NCOA2: variants seen among roughly 807,000 people sequenced by gnomAD.
NCOA2 encodes the protein class E basic helix-loop-helix protein 75.
In NCOA2, 21 loss-of-function variants were observed where a neutral mutation model predicts 145.1. That is an observed-to-expected ratio of 0.14 (90% CI 0.10 to 0.21). The LOEUF (loss-of-function observed/expected upper bound fraction) is 0.21, where lower values mean the gene tolerates loss of function less well. NCOA2 is among the 10% of genes least tolerant of loss of function. The pLI is 1.00. For synonymous variants in NCOA2, 619 were observed against 637.5 expected (o/e 0.97, Z 0.44); for missense variants, 1,472 against 1,837.6 (o/e 0.80, Z 3.64).
intron 2 of NCOA2, among the ~76,000 whole-genome samples, chr8:70,260,324 G>A (rs1004838637): frequency 1.4e-4 from 21 of 152,172 alleles, no homozygotes; most frequent in African/African-American, 4.6e-4. Context: ...GTAGAGACAA[G>A]GTTTCACCAC....
intron 11 of NCOA2, among the ~76,000 whole-genome samples, chr8:70,153,965 G>C (rs550540394): frequency 3.5e-4 from 53 of 152,322 alleles, no homozygotes; most frequent in African/African-American, 1.3e-3. Context: ...GGTAGCAGCT[G>C]TCGAGACATC....
At chr8:70,214,389 A>C (rs909256773) in intron 3 of NCOA2, among the ~76,000 whole-genome samples, 1 of 152,246 alleles carries the variant, frequency 6.6e-6, no homozygotes, top group Non-Finnish European at 1.5e-5. Flanking sequence ...GTGGGCACCA[A>C]ATTAGTTGAC....
rs145577001 is a variant in NCOA2 at position 70,110,918 on chromosome 8, C to T, written c.*2714G>A. The T allele has an allele frequency of 2.5e-4, 56 of 221,622 alleles. No individual in the cohort carries two copies. The highest frequency in any genetic ancestry group is 1.2e-3 in the African/African-American group (52 of 44,792). The allele number at this position is 221,622 out of a possible 1,614,324, so 13.7% of individuals were successfully genotyped here. Reference sequence around the variant, plus strand: ...CACATTTAGTAATATAAGTGAAACACTGATTATTTGTTCTATTAAACAAAA... The same window carrying T: ...CACATTTAGTAATATAAGTGAAACATTGATTATTTGTTCTATTAAACAAAA... On this transcript the variant is annotated 3_prime_UTR_variant, in exon 23 of 23. Coordinates refer to ENST00000452400, the MANE Select transcript of NCOA2 (RefSeq NM_006540.4).
chr8:70,189,895 A>G (rs1816493908), intron 4 of NCOA2, among the ~76,000 whole-genome samples: 1 of 152,200 alleles, frequency 6.6e-6, no homozygotes. Context: ...ACTTGTTTGG[A>G]GAGTATAGGA....
chr8:70,427,866 G>T, the NCOA2 span, among the ~76,000 whole-genome samples: 1 of 152,082 alleles, frequency 6.6e-6, no homozygotes, highest in Non-Finnish European at 1.5e-5. Context: ...AACCAGGCAG[G>T]GTATAACTGT....
At chr8:70,435,424 C>CAAAAAAAAAAAAAAAAA in the NCOA2 span, among the ~76,000 whole-genome samples, 3 of 20,154 alleles carry the variant, frequency 1.5e-4, no homozygotes, top group African/African-American at 4.3e-4. Context: ...GACTCCGTCT[C>CAAAAAAAAAAAAAAAAA]AAAAAAAAAA....
intron 20 of NCOA2, among the ~76,000 whole-genome samples, chr8:70,124,357 TCTG>T (rs1277029773): frequency 4.0e-5 from 6 of 151,334 alleles, no homozygotes; most frequent in Non-Finnish European, 1.5e-5. Flanking sequence ...TTTCTTTCTT[TCTG>T]TTTTTTTTTT....
At chr8:70,159,242 A>ATATATATATATATATATATATATTTT in intron 10 of NCOA2, among the ~76,000 whole-genome samples, 1 of 61,076 alleles carries the variant, frequency 1.6e-5, no homozygotes, top group African/African-American at 5.4e-5. Context: ...ATATATATAT[A>ATATATATATATATATATATATATTTT]TTTTTTTTTT....
At chr8:70,229,176 A>G (rs905332740) in intron 2 of NCOA2, among the ~76,000 whole-genome samples, 3 of 152,196 alleles carry the variant, frequency 2.0e-5, no homozygotes, top group Non-Finnish European at 4.4e-5. Context: ...TTTTCTTCTG[A>G]TATTGAATTC....
intron 4 of NCOA2, among the ~76,000 whole-genome samples, chr8:70,193,809 G>A (rs1321789128): frequency 2.0e-5 from 3 of 152,218 alleles, no homozygotes; most frequent in African/African-American, 4.8e-5. Flanking sequence ...GAACCACTTC[G>A]GGCCTAAAGA....
In NCOA2 at chr8:70,321,793, CTTTTTTTT is replaced by C. The variant is rs559680322; in HGVS notation, c.-76-25001_-76-24994del. ...TGCTTTCCTAAGTTTCAGAATATACCTTTTTTTTTTTTTTTTTTTTTTTTTTTTGGTGA... is the reference window on the plus strand; with the variant it reads ...TGCTTTCCTAAGTTTCAGAATATACCTTTTTTTTTTTTTTTTTTTTGGTGA... On this transcript the variant is annotated intron_variant, in intron 1 of 22. Transcript: ENST00000452400. 3.9e-4 allele frequency among the ~76,000 whole-genome samples: 29 copies of C among 73,572 alleles called. No homozygotes were observed. In the South Asian group the frequency reaches 7.8e-3, roughly 20 times the overall value. The allele number at this position is 73,572 out of a possible 152,430, so 48.3% of individuals were successfully genotyped here. A position where few individuals can be genotyped will look rare whatever the true frequency, so the allele number is the denominator to read the frequency against.
intron 1 of NCOA2, among the ~76,000 whole-genome samples, chr8:70,334,831 T>C (rs1013849819): frequency 6.6e-6 from 1 of 152,030 alleles, no homozygotes; most frequent in Admixed American, 6.6e-5. Context: ...TCTGGTCAGA[T>C]TCTCTCTCCT....
At chr8:70,355,096 T>C (rs1463572133) in intron 1 of NCOA2, among the ~76,000 whole-genome samples, 1 of 152,208 alleles carries the variant, frequency 6.6e-6, no homozygotes, top group African/African-American at 2.4e-5. Context: ...CTATTATATA[T>C]GGCGAAATGA....
intron 1 of NCOA2, among the ~76,000 whole-genome samples, chr8:70,354,392 T>C (rs1390574310): frequency 2.0e-5 from 3 of 152,220 alleles, no homozygotes; most frequent in Non-Finnish European, 4.4e-5. Context: ...ATGAAAAGTC[T>C]GCACCTTCTC....
At chr8:70,267,413 CCTTT>C (rs1209533093) in intron 2 of NCOA2, among the ~76,000 whole-genome samples, 106 of 69,888 alleles carry the variant, frequency 1.5e-3, no homozygotes, top group Non-Finnish European at 2.2e-3. Context: ...TTTTTTTTTT[CCTTT>C]GAGATAGGGC....
chr8:70,228,657 A>T (rs1371825184), intron 2 of NCOA2, among the ~76,000 whole-genome samples: 1 of 152,192 alleles, frequency 6.6e-6, no homozygotes, highest in Non-Finnish European at 1.5e-5. Context: ...CCACTGAGAG[A>T]ATAAAGAACA....
chr8:70,356,873 A>G (rs183407415), intron 1 of NCOA2, among the ~76,000 whole-genome samples: 16 of 152,370 alleles, frequency 1.1e-4, no homozygotes, highest in East Asian at 3.9e-4. Flanking sequence ...TTGTTTTTAC[A>G]TAACAGGGAA....
rs564271075 is a variant in NCOA2, at chr8:70,228,996, T to C, written c.-19-12232A>G. 2.9e-4 allele frequency among the ~76,000 whole-genome samples: 44 copies of C among 152,382 alleles called. 1 individual carries two copies. The South Asian group carries it at 8.9e-3, about 31-fold the overall frequency. On this transcript the variant is annotated intron_variant, in intron 2 of 22. Coordinates refer to ENST00000452400, the MANE Select transcript of NCOA2 (RefSeq NM_006540.4). ...TGATTTCTTTAGTTGGTATTTTCTTTCAAGTCAATGTTTCTGAACCAAGAG... is the reference window on the plus strand; with the variant it reads ...TGATTTCTTTAGTTGGTATTTTCTTCCAAGTCAATGTTTCTGAACCAAGAG...
intron 1 of NCOA2, among the ~76,000 whole-genome samples, chr8:70,370,259 T>C (rs1043403353): frequency 7.2e-5 from 11 of 152,164 alleles, no homozygotes; most frequent in African/African-American, 2.2e-4. Flanking sequence ...TGAAGAATAT[T>C]ATGTCCAAAA....
Sources: allele counts gnomAD v4.1 joint callset (sites outside exome capture counted in the v4.1 genomes callset), GRCh38; gene constraint gnomAD v4.1.1; transcripts MANE v1.5; gene names NCBI Gene and HGNC (gene_info 2026-07-23, HGNC 2026-07-21).